The following GLRA2 variants were observed in gnomAD, a reference collection of about 807,000 sequenced individuals.
The protein encoded by GLRA2 is glycine receptor alpha 2.
A neutral mutation model predicts 31.6 loss-of-function variants in GLRA2; 11 were observed. The observed-to-expected ratio is 0.35, with a 90% CI of 0.22 to 0.58. The LOEUF (loss-of-function observed/expected upper bound fraction) is 0.58, where lower values mean the gene tolerates loss of function less well. Among genes scored for constraint, GLRA2 ranks in the 20% least tolerant of loss-of-function variants. The pLI is 0.84. For missense variants in GLRA2, 212 were observed against 351.8 expected (o/e 0.60, Z 3.18); for synonymous variants, 132 against 134.0 (o/e 0.99, Z 0.10).
At chrX:14,635,107 T>C (rs971580203) in intron 7 of GLRA2, among the ~76,000 whole-genome samples, 3 of 111,981 alleles carry the variant, frequency 2.7e-5, no homozygotes, top group African/African-American at 9.7e-5. Context: ...TAAAAGCTTA[T>C]GCGTTCTATT....
chrX:14,623,334 C>A (rs981467834), intron 7 of GLRA2, among the ~76,000 whole-genome samples: 1 of 111,024 alleles, frequency 9.0e-6, no homozygotes, highest in Non-Finnish European at 1.9e-5. Flanking sequence ...AATTGAATAC[C>A]CTTTATTTCT....
intron 7 of GLRA2, among the ~76,000 whole-genome samples, chrX:14,681,462 C>T (rs1008320645): frequency 7.2e-5 from 8 of 111,520 alleles, no homozygotes; most frequent in African/African-American, 2.0e-4. Context: ...ATCTATCCAT[C>T]CCACATAACT....
At chrX:14,478,743 ATCATT>A in the GLRA2 span, among the ~76,000 whole-genome samples, 3 of 112,289 alleles carry the variant, frequency 2.7e-5, no homozygotes, top group African/African-American at 9.7e-5. Context: ...ATAATTTCAT[ATCATT>A]TCATTATTTT....
intron 2 of GLRA2, among the ~76,000 whole-genome samples, chrX:14,551,103 T>C (rs773205150): frequency 8.9e-6 from 1 of 112,037 alleles, no homozygotes; most frequent in African/African-American, 3.2e-5. Context: ...GATTACAAAA[T>C]AGAACAGAAA....
intron 7 of GLRA2, among the ~76,000 whole-genome samples, chrX:14,620,738 T>A (rs2090505920): frequency 9.0e-6 from 1 of 111,530 alleles, no homozygotes. Flanking sequence ...TACACATGGA[T>A]TGGTCTCATA....
At chrX:14,534,539 G>A (rs1204778321) in intron 2 of GLRA2, among the ~76,000 whole-genome samples, 1 of 110,467 alleles carries the variant, frequency 9.1e-6, no homozygotes, top group Non-Finnish European at 1.9e-5. Flanking sequence ...TGTTCCCATG[G>A]AATTTTATAT....
At chrX:14,628,319 A>G (rs759547288) in intron 7 of GLRA2, among the ~76,000 whole-genome samples, 23 of 111,472 alleles carry the variant, frequency 2.1e-4, no homozygotes, top group South Asian at 7.5e-4. Flanking sequence ...ATTTAATTAG[A>G]GATGTTTGCC....
the GLRA2 span, among the ~76,000 whole-genome samples, chrX:14,457,132 A>T: frequency 1.8e-5 from 2 of 110,421 alleles, no homozygotes; most frequent in South Asian, 3.8e-4. Context: ...TTTTTTTTAA[A>T]TTTTTTTCAA....
the GLRA2 span, among the ~76,000 whole-genome samples, chrX:14,480,773 A>G: frequency 4.5e-5 from 5 of 111,788 alleles, no homozygotes; most frequent in East Asian, 1.1e-3. Context: ...CTTATAATAT[A>G]GTTTGAAGTA....
At chrX:14,659,332 G>C (rs747889982) in intron 7 of GLRA2, among the ~76,000 whole-genome samples, 50 of 111,691 alleles carry the variant, frequency 4.5e-4, no homozygotes, top group African/African-American at 1.6e-3. Context: ...CAGTTAACCA[G>C]AAACAGGCCA....
At chrX:14,656,207 G>A (rs952794065) in intron 7 of GLRA2, among the ~76,000 whole-genome samples, 2 of 111,822 alleles carry the variant, frequency 1.8e-5, no homozygotes, top group Admixed American at 1.9e-4. Flanking sequence ...CACTCCTAGG[G>A]ATTCTAATTT....
chrX:14,459,797 T>C, the GLRA2 span, among the ~76,000 whole-genome samples: 3 of 111,978 alleles, frequency 2.7e-5, no homozygotes, highest in Admixed American at 1.9e-4. Flanking sequence ...TTTCTTAATA[T>C]ACAATCATGT....
At chrX:14,571,697 G>A (rs1042398779) in intron 2 of GLRA2, among the ~76,000 whole-genome samples, 2 of 111,182 alleles carry the variant, frequency 1.8e-5, no homozygotes, top group Non-Finnish European at 3.8e-5. Flanking sequence ...TAGTATATGC[G>A]TGTGCTAATC....
At chrX:14,469,265 C>T in the GLRA2 span, among the ~76,000 whole-genome samples, 1 of 111,654 alleles carries the variant, frequency 9.0e-6, no homozygotes, top group South Asian at 3.7e-4. Flanking sequence ...ACTGGTAATG[C>T]CTAGGTTTTC....
chrX:14,499,570 G>A, the GLRA2 span, among the ~76,000 whole-genome samples: 12 of 111,352 alleles, frequency 1.1e-4, no homozygotes, highest in Admixed American at 1.1e-3. Flanking sequence ...CATGGATGCA[G>A]CTGGAGGCCA....
chrX:14,611,915 C>T lies in GLRA2; in HGVS notation c.930+2710C>T, dbSNP rs138389636. On this transcript the variant is annotated intron_variant, in intron 7 of 8. Coordinates refer to ENST00000218075, the MANE Select transcript of GLRA2 (RefSeq NM_002063.4). ...TGTCATTAACAGTAATGGCAAATAT[C>T]GCAATTACTTTTGTACCAACCTAGT... Among the ~76,000 whole-genome samples the T allele has an allele frequency of 3.7e-3, 411 of 111,915 alleles. 4 individuals carry two copies. The highest frequency in any genetic ancestry group is 0.012 in the African/African-American group (366 of 30,933).
intron 2 of GLRA2, among the ~76,000 whole-genome samples, chrX:14,573,765 TAA>T (rs1276506500): frequency 2.7e-5 from 3 of 110,392 alleles, no homozygotes; most frequent in Non-Finnish European, 5.7e-5. Context: ...GTTTATGTCT[TAA>T]GTTAATTTTG....
the GLRA2 span, among the ~76,000 whole-genome samples, chrX:14,452,660 C>T: frequency 1.8e-5 from 2 of 110,453 alleles, no homozygotes; most frequent in African/African-American, 6.5e-5. Context: ...TTGATCTGAG[C>T]TTTGAAGGAT....
chrX:14,615,933 CATG>C (rs1327754854), intron 7 of GLRA2, among the ~76,000 whole-genome samples: 1 of 111,475 alleles, frequency 9.0e-6, no homozygotes, highest in East Asian at 2.8e-4. Flanking sequence ...CAAATACCAG[CATG>C]ATATGTGTTT....
Sources: gnomAD v4.1 joint callset for allele counts (sites outside exome capture counted in the v4.1 genomes callset) on GRCh38, gnomAD v4.1.1 for gene constraint, MANE v1.5 for transcripts, NCBI Gene and HGNC (gene_info 2026-07-23, HGNC 2026-07-21) for gene names.